The following DLGAP2 variants were observed in gnomAD, a reference collection of about 807,000 sequenced individuals.
DLGAP2 encodes the protein disks large-associated protein 2.
A neutral mutation model predicts 100.3 loss-of-function variants in DLGAP2; 26 were observed. The ratio of observed to expected loss-of-function variants is 0.26; its 90% CI spans 0.19 to 0.36. The LOEUF is 0.36. DLGAP2 is among the 10% of genes least tolerant of loss of function. The probability of loss-of-function intolerance (pLI) is 1.00; values close to 1 mark genes in which losing one functional copy is unlikely to be tolerated. For synonymous variants in DLGAP2, 886 were observed against 630.1 expected (o/e 1.41, Z -6.08); for missense variants, 1,858 against 1,453.2 (o/e 1.28, Z -4.53).
chr8:1,425,770 C>G (rs530624473), intron 3 of DLGAP2, among the ~76,000 whole-genome samples: 2 of 152,168 alleles, frequency 1.3e-5, no homozygotes, highest in Non-Finnish European at 2.9e-5. Flanking sequence ...AATAAACCCA[C>G]AGCAAAGCCG....
At chr8:1,665,520 A>G (rs777042761) in intron 8 of DLGAP2, among the ~76,000 whole-genome samples, 1 of 147,402 alleles carries the variant, frequency 6.8e-6, no homozygotes, top group Non-Finnish European at 1.5e-5. Context: ...GCTCATCTCA[A>G]ACTTGCCAAA....
chr8:1,539,008 C>G (rs1232439830), intron 4 of DLGAP2, among the ~76,000 whole-genome samples: 2 of 151,894 alleles, frequency 1.3e-5, no homozygotes, highest in Non-Finnish European at 2.9e-5. Flanking sequence ...GGCTCGGCCT[C>G]CTGAGTAGCT....
At chr8:963,141 T>A (rs1451956769) in intron 2 of DLGAP2, among the ~76,000 whole-genome samples, 1 of 152,116 alleles carries the variant, frequency 6.6e-6, no homozygotes, top group Non-Finnish European at 1.5e-5. Flanking sequence ...CGGAGCTTCT[T>A]GTGTCGAAGG....
chr8:737,962 G>T, intron 1 of DLGAP2, 137 bp downstream of exon 1: 1 of 338,134 alleles, frequency 3.0e-6, no homozygotes, highest in Non-Finnish European at 5.3e-6. Context: ...CGGGGGTCGT[G>T]CCGCCCGCCG....
intron 3 of DLGAP2, among the ~76,000 whole-genome samples, chr8:1,413,594 G>A (rs576767105): frequency 2.7e-4 from 41 of 152,356 alleles, no homozygotes; most frequent in African/African-American, 9.6e-4. Context: ...CCAGAAACAT[G>A]AGATGTTCGA....
chr8:1,225,281 G>C (rs1042305938), intron 2 of DLGAP2, among the ~76,000 whole-genome samples: 1 of 152,224 alleles, frequency 6.6e-6, no homozygotes, highest in Non-Finnish European at 1.5e-5. Context: ...TGTTACAGCG[G>C]AGGAAGGACC....
chr8:780,709 A>T (rs1033609467), intron 1 of DLGAP2, among the ~76,000 whole-genome samples: 7 of 152,222 alleles, frequency 4.6e-5, no homozygotes, highest in Non-Finnish European at 8.8e-5. Context: ...CTCTTGTGGC[A>T]ATTTGGAAAC....
At chr8:1,542,667 T>G (rs1801402835) in intron 4 of DLGAP2, among the ~76,000 whole-genome samples, 1 of 152,238 alleles carries the variant, frequency 6.6e-6, no homozygotes, top group African/African-American at 2.4e-5. Context: ...TCGTCTCCAC[T>G]TTTTGGCAAC....
chr8:1,327,118 C>T (rs1801039841), intron 3 of DLGAP2, among the ~76,000 whole-genome samples: 1 of 152,250 alleles, frequency 6.6e-6, no homozygotes, highest in South Asian at 2.1e-4. Flanking sequence ...AGAGCGGAGC[C>T]TGCCTTCCAT....
chr8:1,264,313 A>C (rs1383698536), intron 3 of DLGAP2, among the ~76,000 whole-genome samples: 1 of 152,084 alleles, frequency 6.6e-6, no homozygotes, highest in Non-Finnish European at 1.5e-5. Context: ...GTGCCCTGTC[A>C]GGTAGGGGTG....
chr8:1,632,023 C>T (rs1203249938), intron 7 of DLGAP2, among the ~76,000 whole-genome samples: 1 of 151,178 alleles, frequency 6.6e-6, no homozygotes, highest in Non-Finnish European at 1.5e-5. Flanking sequence ...TGAGCTGTCA[C>T]ACATCCCCAG....
intron 3 of DLGAP2, among the ~76,000 whole-genome samples, chr8:1,335,366 A>G (rs1485531687): frequency 1.3e-5 from 2 of 152,008 alleles, no homozygotes; most frequent in Non-Finnish European, 2.9e-5. Context: ...TTACATTTTC[A>G]CTCTAAGACA....
chr8:1,426,360 G>C (rs950451281), intron 3 of DLGAP2, among the ~76,000 whole-genome samples: 1 of 152,206 alleles, frequency 6.6e-6, no homozygotes. Context: ...GAAATGCTGA[G>C]TTGCCCACGA....
In DLGAP2 at chr8:1,548,876, G is replaced by C; in HGVS notation, c.423G>C (p.Val141=). The change falls in exon 5 of 15, where the codon GTG becomes GTC. Residue 141 remains valine (V), a synonymous_variant. Transcript: ENST00000637795. ...GRHRCSPRSS[V]HSECVMMPVV... ...ACCGCTGCTCGCCGCGCAGCTCGGT[G>C]CACTCGGAGTGCGTGATGATGCCGG... 1 of 1,593,674 alleles carries C rather than the reference G, an allele frequency of 6.3e-7. No homozygotes were observed. The highest frequency in any genetic ancestry group is 8.5e-7 in the Non-Finnish European group (1 of 1,176,218).
At chr8:1,147,236 C>G (rs1202894831) in intron 2 of DLGAP2, among the ~76,000 whole-genome samples, 1 of 152,062 alleles carries the variant, frequency 6.6e-6, no homozygotes, top group South Asian at 2.1e-4. Flanking sequence ...TTTCCTCATG[C>G]TATTGTAAAC....
intron 3 of DLGAP2, among the ~76,000 whole-genome samples, chr8:1,261,886 A>G (rs1028821803): frequency 6.6e-6 from 1 of 152,210 alleles, no homozygotes; most frequent in African/African-American, 2.4e-5. Flanking sequence ...CATAAATGTC[A>G]TGGCACAGAA....
intron 2 of DLGAP2, among the ~76,000 whole-genome samples, chr8:1,140,144 G>T (rs17668480): frequency 0.019 from 2,955 of 152,300 alleles, 51 homozygotes; most frequent in Non-Finnish European, 0.026. Context: ...ATTCAGAGCA[G>T]ATACAGCACT....
At chr8:1,555,848 G>C (rs184699863) in intron 5 of DLGAP2, among the ~76,000 whole-genome samples, 10 of 152,346 alleles carry the variant, frequency 6.6e-5, no homozygotes, top group Admixed American at 3.3e-4. Context: ...TCTGGTTTTG[G>C]GTTGTTGGCT....
chr8:1,423,158 T>C (rs1209684093), intron 3 of DLGAP2, among the ~76,000 whole-genome samples: 1 of 152,194 alleles, frequency 6.6e-6, no homozygotes, highest in East Asian at 1.9e-4. Flanking sequence ...AGCTAAAGCC[T>C]AGGTGGCAAG....
Sources: allele counts gnomAD v4.1 joint callset (sites outside exome capture counted in the v4.1 genomes callset), GRCh38; gene constraint gnomAD v4.1.1; transcripts MANE v1.5; gene names NCBI Gene and HGNC (gene_info 2026-07-23, HGNC 2026-07-21).